The following C8orf34 variants were observed in gnomAD, a reference collection of about 807,000 sequenced individuals.
C8orf34 encodes uncharacterized protein C8orf34.
C8orf34 carries 65 observed loss-of-function variants against 68.3 expected under a neutral mutation model. That is an observed-to-expected ratio of 0.95 (90% CI 0.78 to 1.17). The LOEUF (loss-of-function observed/expected upper bound fraction) is 1.17. C8orf34 is among the 50% of genes most tolerant of loss of function. The pLI is 0.00. For synonymous variants in C8orf34, 244 were observed against 241.2 expected, an observed-to-expected ratio of 1.01 and a Z score of -0.11; for missense variants, 664 against 655.4, an observed-to-expected ratio of 1.01 and a Z score of -0.14.
intron 8 of C8orf34, among the ~76,000 whole-genome samples, chr8:68,690,116 G>A (rs938261157): frequency 1.3e-5 from 2 of 152,016 alleles, no homozygotes; most frequent in African/African-American, 4.8e-5. Context: ...TTAAAAACAT[G>A]TGTTAGGCTA....
At chr8:68,411,120 T>C (rs1809425873) in intron 1 of C8orf34, among the ~76,000 whole-genome samples, 1 of 152,200 alleles carries the variant, frequency 6.6e-6, no homozygotes, top group Non-Finnish European at 1.5e-5. Flanking sequence ...AAGTAATACA[T>C]TTTCTGTTAT....
chr8:68,794,317 G>A (rs2129529262), intron 12 of C8orf34, among the ~76,000 whole-genome samples: 1 of 150,510 alleles, frequency 6.6e-6, no homozygotes, highest in Non-Finnish European at 1.5e-5. Context: ...GACTACAGAT[G>A]TGCACCACCA....
chr8:68,576,345 G>A (rs548466075), intron 7 of C8orf34, among the ~76,000 whole-genome samples: 8 of 148,756 alleles, frequency 5.4e-5, no homozygotes, highest in African/African-American at 2.1e-4. Flanking sequence ...AACAATAAAC[G>A]TATTCAGCTA....
At chr8:68,692,070 T>C (rs1456471500) in intron 8 of C8orf34, among the ~76,000 whole-genome samples, 1 of 151,984 alleles carries the variant, frequency 6.6e-6, no homozygotes, top group African/African-American at 2.4e-5. Flanking sequence ...CACTCATGTT[T>C]GCAATATGAG....
At chr8:68,536,854 T>C (rs538276327) in intron 7 of C8orf34, among the ~76,000 whole-genome samples, 2 of 152,230 alleles carry the variant, frequency 1.3e-5, no homozygotes, top group East Asian at 1.9e-4. Flanking sequence ...TGCGACAAGG[T>C]GATTGCAAGT....
intron 5 of C8orf34, among the ~76,000 whole-genome samples, chr8:68,506,929 C>T (rs7838651): frequency 0.23 from 35,128 of 151,824 alleles, 6,345 homozygotes; most frequent in African/African-American, 0.51. Flanking sequence ...TCCATTGATA[C>T]GCATGCTTTT....
At chr8:68,772,517 G>A (rs545321238) in intron 10 of C8orf34, among the ~76,000 whole-genome samples, 1 of 152,162 alleles carries the variant, frequency 6.6e-6, no homozygotes, top group African/African-American at 2.4e-5. Context: ...ACGTTAAGCA[G>A]TAATCACATC....
At chr8:68,451,481 A>C (rs1811343057) in intron 3 of C8orf34, among the ~76,000 whole-genome samples, 1 of 152,116 alleles carries the variant, frequency 6.6e-6, no homozygotes, top group South Asian at 2.1e-4. Flanking sequence ...AGAGACCTGC[A>C]ACTCTTCCTT....
chr8:68,568,948 A>G (rs1816683926), intron 7 of C8orf34, among the ~76,000 whole-genome samples: 1 of 152,254 alleles, frequency 6.6e-6, no homozygotes, highest in East Asian at 1.9e-4. Context: ...GAAACAAGTA[A>G]GCATGGCTTT....
chr8:68,457,310 A>G (rs973287767), intron 3 of C8orf34, among the ~76,000 whole-genome samples: 3 of 152,218 alleles, frequency 2.0e-5, no homozygotes, highest in African/African-American at 7.2e-5. Context: ...AAATCATGAT[A>G]TGGAAATACA....
chr8:68,760,006 T>A (rs1178835494), intron 10 of C8orf34, among the ~76,000 whole-genome samples: 3 of 152,194 alleles, frequency 2.0e-5, no homozygotes, highest in Non-Finnish European at 4.4e-5. Flanking sequence ...GGAAGTGCTG[T>A]GACAGAAGTA....
intron 5 of C8orf34, among the ~76,000 whole-genome samples, chr8:68,521,070 AAATG>A (rs1359718882): frequency 5.9e-5 from 9 of 152,228 alleles, no homozygotes; most frequent in African/African-American, 1.9e-4. Context: ...GAGAGTGAAG[AAATG>A]AATGAATTAG....
chr8:68,698,001 T>C (rs192276954), intron 8 of C8orf34, among the ~76,000 whole-genome samples: 9 of 152,186 alleles, frequency 5.9e-5, no homozygotes, highest in Non-Finnish European at 1.0e-4. Context: ...CCATCCTTCC[T>C]AGTTAGAAAC....
chr8:68,536,471 A>C (rs940201140), intron 7 of C8orf34, among the ~76,000 whole-genome samples: 1 of 151,884 alleles, frequency 6.6e-6, no homozygotes, highest in Non-Finnish European at 1.5e-5. Context: ...TTAGTTTAAA[A>C]GATATTTCAC....
At chr8:68,738,871 T>C (rs1422540050) in intron 10 of C8orf34, among the ~76,000 whole-genome samples, 1 of 152,146 alleles carries the variant, frequency 6.6e-6, no homozygotes, top group African/African-American at 2.4e-5. Context: ...GAAAATCTCA[T>C]ACCATTCCTG....
chr8:68,636,063 C>G (rs1485754102), intron 7 of C8orf34, among the ~76,000 whole-genome samples: 1 of 152,082 alleles, frequency 6.6e-6, no homozygotes, highest in Non-Finnish European at 1.5e-5. Flanking sequence ...AAAGGGAAGG[C>G]TTTGAATATG....
intron 1 of C8orf34, among the ~76,000 whole-genome samples, chr8:68,367,893 G>T: frequency 6.1e-5 from 1 of 16,360 alleles, no homozygotes; most frequent in Admixed American, 1.0e-3. Flanking sequence ...AAAACCTAAA[G>T]TATAATAAAA....
intron 10 of C8orf34, among the ~76,000 whole-genome samples, chr8:68,763,810 G>A (rs1237765174): frequency 6.6e-6 from 1 of 152,172 alleles, no homozygotes; most frequent in African/African-American, 2.4e-5. Flanking sequence ...CCTGCACTAA[G>A]TGCTATTAAT....
At chr8:68,525,781 C>T (rs539193870) in intron 6 of C8orf34, 1 of 547,330 alleles carries the variant, frequency 1.8e-6, no homozygotes, top group East Asian at 4.0e-5. Flanking sequence ...TGTAGCCATG[C>T]TTCATCACAG....
Sources: allele counts gnomAD v4.1 joint callset (sites outside exome capture counted in the v4.1 genomes callset), GRCh38; gene constraint gnomAD v4.1.1; transcripts MANE v1.5; gene names NCBI Gene and HGNC (gene_info 2026-07-23, HGNC 2026-07-21).